FNBP1: variants seen among roughly 807,000 people sequenced by gnomAD.
The protein encoded by FNBP1 is formin-binding protein 1.
Under a neutral mutation model 90.6 loss-of-function variants are expected in FNBP1, and 26 were observed. The observed-to-expected ratio is 0.29, with a 90% CI of 0.21 to 0.40. The LOEUF is 0.40. Among genes scored for constraint, FNBP1 ranks in the 10% least tolerant of loss-of-function variants. The probability of loss-of-function intolerance (pLI) is 1.00; values close to 1 mark genes in which losing one functional copy is unlikely to be tolerated. For missense variants in FNBP1, 635 were observed against 768.0 expected (o/e 0.83, Z 2.05); for synonymous variants, 260 against 265.2 (o/e 0.98, Z 0.19).
intron 3 of FNBP1, among the ~76,000 whole-genome samples, chr9:129,978,915 T>C (rs1334706865): frequency 6.6e-6 from 1 of 152,230 alleles, no homozygotes; most frequent in Non-Finnish European, 1.5e-5. Flanking sequence ...GTAAAGGATA[T>C]TTAGATATAC....
intron 5 of FNBP1, 74 bp downstream of exon 5, chr9:129,958,417 G>C: frequency 8.5e-7 from 1 of 1,175,800 alleles, no homozygotes; most frequent in Non-Finnish European, 1.2e-6. Context: ...GGGCAACAGA[G>C]GGAGCCTCCG....
chr9:129,959,851 C>A (rs567362232), intron 4 of FNBP1, among the ~76,000 whole-genome samples: 27 of 152,218 alleles, frequency 1.8e-4, no homozygotes, highest in African/African-American at 5.1e-4. Flanking sequence ...CCCTAGGGAG[C>A]CTGTTTCTGT....
chr9:130,053,735 A>C, the FNBP1 span: 1 of 596,592 alleles, frequency 1.7e-6, no homozygotes, highest in Non-Finnish European at 3.0e-6. Context: ...AAGTCTGCAC[A>C]GGAGCGGCCG....
At chr9:130,032,056 C>T (rs1230380614) in intron 1 of FNBP1, among the ~76,000 whole-genome samples, 1 of 152,088 alleles carries the variant, frequency 6.6e-6, no homozygotes, top group South Asian at 2.1e-4. Flanking sequence ...CAAAAATGGC[C>T]GTAACAAGAA....
rs1001194765 is a variant in FNBP1 at position 129,957,239 on chromosome 9, T to A, written c.513+121A>T. 1 of 674,342 alleles carries A rather than the reference T, an allele frequency of 1.5e-6. No individual in the cohort carries two copies. Among genetic ancestry groups the A allele is most frequent in the Admixed American group, 2.7e-5 (1 of 37,386 alleles). The allele number at this position is 674,342 out of a possible 1,614,324, so 41.8% of individuals were successfully genotyped here. On this transcript the variant is annotated intron_variant, in intron 6 of 16. Coordinates refer to ENST00000446176, the MANE Select transcript of FNBP1 (RefSeq NM_015033.3). This position sits in a 1 kb window ranked among gnomAD's most constrained non-coding sequence, Gnocchi z 4.3. ...TTTTCGTAGAGATGGGGTTTCACCATCTTGGCCAGGCTGGTCTCGAACTCC... is the reference window on the plus strand; with the variant it reads ...TTTTCGTAGAGATGGGGTTTCACCAACTTGGCCAGGCTGGTCTCGAACTCC...
chr9:129,992,222 G>A (rs540631158), intron 2 of FNBP1, among the ~76,000 whole-genome samples: 2 of 152,130 alleles, frequency 1.3e-5, no homozygotes, highest in Admixed American at 6.5e-5. Flanking sequence ...CCAGTAGCCC[G>A]CTTGAGAGCT....
At chr9:129,924,070 C>G in intron 9 of FNBP1, 44 bp from the exon 10 acceptor site, 3 of 1,472,168 alleles carry the variant, frequency 2.0e-6, no homozygotes, top group Non-Finnish European at 1.8e-6. Context: ...AAATCAGAAA[C>G]AAGAAGACAC....
intron 12 of FNBP1, among the ~76,000 whole-genome samples, chr9:129,905,294 G>GTATATATATATATATATATATATATA (rs56217495): frequency 1.4e-3 from 187 of 132,250 alleles, no homozygotes; most frequent in African/African-American, 3.4e-3. Context: ...GTGTGTGTGT[G>GTATATATATATATATATATATATATA]TATATATATA....
At chr9:129,949,501 T>C (rs1045903615) in intron 6 of FNBP1, among the ~76,000 whole-genome samples, 2 of 152,158 alleles carry the variant, frequency 1.3e-5, no homozygotes, top group African/African-American at 4.8e-5. Context: ...GGTCACACGC[T>C]GGCATCTAAC....
chr9:129,924,164 G>T (rs1436314974), intron 9 of FNBP1, 138 bp from the exon 10 acceptor site: 2 of 849,596 alleles, frequency 2.4e-6, no homozygotes, highest in African/African-American at 1.8e-5. Flanking sequence ...TGGTCCAAAA[G>T]AAAACATGTA....
In FNBP1 at chr9:129,890,735, T is replaced by C. The variant is rs1342827567; in HGVS notation, c.1847-189A>G. Among the ~76,000 whole-genome samples, 3 of 152,152 alleles carry C rather than the reference T, an allele frequency of 2.0e-5. No individual in the cohort carries two copies. The highest frequency in any genetic ancestry group is 7.2e-5 in the African/African-American group (3 of 41,442). On this transcript the variant is annotated intron_variant, in intron 16 of 16. Transcript: ENST00000446176. This position sits in a 1 kb window ranked among gnomAD's most constrained non-coding sequence, Gnocchi z 5.8. ...AGGGCGGGTCTGAGATGAGGAACTT[T>C]CACGGTTTTCTCTCTAGCCTTTAGC...
chr9:130,023,036 C>A (rs753020002), intron 1 of FNBP1, among the ~76,000 whole-genome samples: 1 of 151,916 alleles, frequency 6.6e-6, no homozygotes, highest in Admixed American at 6.6e-5. Flanking sequence ...AAGAATGAGG[C>A]GGCTAAGGAA....
At chr9:129,917,202 C>T (rs1352737046) in intron 10 of FNBP1, among the ~76,000 whole-genome samples, 7 of 151,256 alleles carry the variant, frequency 4.6e-5, no homozygotes, top group African/African-American at 9.7e-5. Context: ...TTAGTAGAGA[C>T]GGGGTTTCGC....
At chr9:129,893,096 T>C (rs2035274117) in intron 16 of FNBP1, among the ~76,000 whole-genome samples, 1 of 152,154 alleles carries the variant, frequency 6.6e-6, no homozygotes, top group South Asian at 2.1e-4. Context: ...GTTCACAGAC[T>C]GGAAATGAGT....
At chr9:130,033,294 T>C (rs2058972843) in intron 1 of FNBP1, among the ~76,000 whole-genome samples, 1 of 152,072 alleles carries the variant, frequency 6.6e-6, no homozygotes, top group African/African-American at 2.4e-5. Context: ...CTAATAAATA[T>C]TAGATTAGGT....
rs140519349 is a variant in FNBP1, at chr9:129,900,951, G to T, written c.1429-404C>A. Among the ~76,000 whole-genome samples the T allele has an allele frequency of 1.3e-5, 2 of 152,236 alleles. No homozygotes were observed. The highest frequency in any genetic ancestry group is 1.3e-4 in the Admixed American group (2 of 15,294). ...TGAGGTCGCCCTGTGATACCTGAAG[G>T]TACAGCCATGCTTAAAGCAGTGACT... On this transcript the variant is annotated intron_variant, in intron 13 of 16. Coordinates refer to ENST00000446176, the MANE Select transcript of FNBP1 (RefSeq NM_015033.3). This position sits in a 1 kb window ranked among gnomAD's most constrained non-coding sequence, Gnocchi z 4.1.
At chr9:129,925,588 G>GTT (rs2041766553) in intron 8 of FNBP1, among the ~76,000 whole-genome samples, 2 of 101,438 alleles carry the variant, frequency 2.0e-5, no homozygotes, top group Non-Finnish European at 1.8e-5. Context: ...TTTCCTAGTA[G>GTT]CTTTTTTTTT....
At chr9:129,925,540 T>C (rs1588592642) in intron 8 of FNBP1, among the ~76,000 whole-genome samples, 1 of 147,964 alleles carries the variant, frequency 6.8e-6, no homozygotes, top group African/African-American at 2.5e-5. Context: ...CTCATACAGA[T>C]GATAACTAAC....
chr9:130,008,300 G>T (rs10988564), intron 1 of FNBP1, among the ~76,000 whole-genome samples: 6 of 152,000 alleles, frequency 3.9e-5, no homozygotes, highest in Non-Finnish European at 5.9e-5. Flanking sequence ...CAGTGAGCCA[G>T]ATTGTGCCAT....
Sources: gnomAD v4.1 joint callset for allele counts (sites outside exome capture counted in the v4.1 genomes callset) on GRCh38, gnomAD v4.1.1 for gene constraint, Gnocchi (gnomAD v3.1) non-coding constraint, MANE v1.5 for transcripts, NCBI Gene and HGNC (gene_info 2026-07-23, HGNC 2026-07-21) for gene names.